The following BCAS3 variants were observed in gnomAD, a reference collection of about 807,000 sequenced individuals.
The protein encoded by BCAS3 is BCAS4/BCAS3 fusion.
A neutral mutation model predicts 116.1 loss-of-function variants in BCAS3; 53 were observed. The ratio of observed to expected loss-of-function variants is 0.46; its 90% CI spans 0.37 to 0.57. The LOEUF (loss-of-function observed/expected upper bound fraction) is 0.57. Among genes scored for constraint, BCAS3 ranks in the 20% least tolerant of loss-of-function variants. The pLI is 0.00. For missense variants in BCAS3, 917 were observed against 1,165.4 expected (o/e 0.79, Z 3.10); for synonymous variants, 391 against 408.2 (o/e 0.96, Z 0.51).
chr17:61,003,706 G>A (rs1028320739), intron 15 of BCAS3: 1 of 152,066 alleles, frequency 6.6e-6, no homozygotes, highest in African/African-American at 2.4e-5. Flanking sequence ...TGACCTCAGT[G>A]ATGGGGAATC....
rs1485845823 is a variant in BCAS3, at chr17:61,049,300, CA to C, written c.2029+8411del. On this transcript the variant is annotated intron_variant, in intron 19 of 23. Coordinates refer to ENST00000407086, the MANE Select transcript of BCAS3 (RefSeq NM_017679.5). ...TGGGCAACAGAGCAAGACCTTTTCT[CA>C]AATAATAATAATAAAATCAATAAAT... Among the ~76,000 whole-genome samples, 13 of 151,716 alleles carry C rather than the reference CA, an allele frequency of 8.6e-5. No individual in the cohort carries two copies. The East Asian group carries it at 2.5e-3, about 29-fold the overall frequency.
At chr17:61,345,527 AAAG>A (rs772969244) in intron 22 of BCAS3, among the ~76,000 whole-genome samples, 1 of 152,008 alleles carries the variant, frequency 6.6e-6, no homozygotes, top group Non-Finnish European at 1.5e-5. Context: ...GAAGGAAGGG[AAAG>A]AAGGAGGGTA....
rs2072810910 is a variant in BCAS3 at position 61,083,486 on chromosome 17, G to T, written c.2328-981G>T. Among the ~76,000 whole-genome samples the T allele has an allele frequency of 6.6e-6, 1 of 152,068 alleles. No homozygotes were observed. The highest frequency in any genetic ancestry group is 2.4e-5 in the African/African-American group (1 of 41,422). ...TAATAAGTTTTTGTTTCACTAAGTT[G>T]CCTGGGACTTTCAGATCTTTTAATC... On this transcript the variant is annotated intron_variant, in intron 21 of 23. Transcript: ENST00000407086. This position sits in a 1 kb window ranked among gnomAD's most constrained non-coding sequence, Gnocchi z 4.9.
intron 10 of BCAS3, among the ~76,000 whole-genome samples, chr17:60,890,228 T>C (rs999929390): frequency 6.6e-6 from 1 of 151,874 alleles, no homozygotes; most frequent in Admixed American, 6.6e-5. Context: ...CTGAGGCAGG[T>C]GGATCATTTG....
At chr17:61,109,482 A>G (rs2074915208) in intron 22 of BCAS3, among the ~76,000 whole-genome samples, 2 of 152,206 alleles carry the variant, frequency 1.3e-5, no homozygotes, top group South Asian at 4.1e-4. Flanking sequence ...GATTGCTGGA[A>G]CAAATGGTAG....
intron 5 of BCAS3, among the ~76,000 whole-genome samples, chr17:60,710,995 G>A (rs1598221151): frequency 1.3e-5 from 2 of 151,794 alleles, no homozygotes; most frequent in Admixed American, 1.3e-4. Context: ...TGGAGACAGG[G>A]TCCTACTGTG....
At chr17:61,301,993 G>T (rs1456385273) in intron 22 of BCAS3, among the ~76,000 whole-genome samples, 2 of 152,214 alleles carry the variant, frequency 1.3e-5, no homozygotes, top group Non-Finnish European at 2.9e-5. Context: ...AGAATTAGGT[G>T]AAGCACGGCC....
rs539771714 is a variant in BCAS3 at position 60,728,392 on chromosome 17, G to T, written c.322-18806G>T. On this transcript the variant is annotated intron_variant, in intron 5 of 23. Transcript: ENST00000407086. ...ATAAGGTTCTTTCATGTCTTTTCAT[G>T]ACTTGATAGCTTATTCAGATGCTGA... 3.9e-5 allele frequency among the ~76,000 whole-genome samples: 6 copies of T among 152,212 alleles called. No homozygotes were observed. The South Asian group carries it at 1.2e-3, about 32-fold the overall frequency.
chr17:61,391,796 G>A lies in BCAS3; in HGVS notation c.2594-181G>A. The stretch of plus-strand genomic sequence containing the variant: ...CAGCCAGGGGGCTTTCCCTCCCCTG[G>A]CTGAGCCTTCCTGTGACCTGAGCTG... On this transcript the variant is annotated intron_variant, in intron 23 of 23. Coordinates refer to ENST00000407086, the MANE Select transcript of BCAS3 (RefSeq NM_017679.5). This position sits in a 1 kb window ranked among gnomAD's most constrained non-coding sequence, Gnocchi z 7.7. The A allele has an allele frequency of 1.5e-6, 1 of 655,488 alleles. No individual in the cohort carries two copies. The highest frequency in any genetic ancestry group is 2.6e-6 in the Non-Finnish European group (1 of 378,538). 40.6% of individuals were successfully genotyped at this position (655,488 alleles called of 1,614,324 possible). A position where few individuals can be genotyped will look rare whatever the true frequency, so the allele number is the denominator to read the frequency against.
intron 7 of BCAS3, among the ~76,000 whole-genome samples, chr17:60,814,304 T>TGTGTGCGCGTGC (rs1555731413): frequency 2.2e-5 from 3 of 136,704 alleles, no homozygotes; most frequent in African/African-American, 9.0e-5. Context: ...TGTGTGTGTG[T>TGTGTGCGCGTGC]GTGCGCGCGT....
chr17:60,937,016 C>T (rs2059967997), intron 13 of BCAS3, among the ~76,000 whole-genome samples: 1 of 151,898 alleles, frequency 6.6e-6, no homozygotes, highest in Non-Finnish European at 1.5e-5. Context: ...GTCTTTAATC[C>T]ATCTTGAATT....
intron 4 of BCAS3, among the ~76,000 whole-genome samples, chr17:60,698,183 C>CAAAAAAAA (rs759028839): frequency 3.6e-5 from 2 of 55,278 alleles, no homozygotes; most frequent in Admixed American, 2.6e-4. Context: ...CTCCGTCTCA[C>CAAAAAAAA]AAAAAAAAAA....
intron 19 of BCAS3, among the ~76,000 whole-genome samples, chr17:61,049,171 C>T (rs1194911882): frequency 2.0e-5 from 3 of 151,792 alleles, no homozygotes; most frequent in Admixed American, 2.0e-4. Flanking sequence ...TATGGTGGTG[C>T]ATACCCTTAA....
At chr17:60,813,274 A>G (rs2049008583) in intron 7 of BCAS3, among the ~76,000 whole-genome samples, 1 of 150,026 alleles carries the variant, frequency 6.7e-6, no homozygotes, top group African/African-American at 2.5e-5. Flanking sequence ...CTGACCAGTT[A>G]TTTTCAGAGG....
rs779500105 is a variant in BCAS3 at position 60,993,010 on chromosome 17, C to G, written c.1486+2775C>G. On this transcript the variant is annotated intron_variant, in intron 15 of 23. Coordinates refer to ENST00000407086, the MANE Select transcript of BCAS3 (RefSeq NM_017679.5). The surrounding 1 kb of genome is among the most constrained non-coding windows in gnomAD (Gnocchi z 4.2). ...TAGTAAATTAAGAAGGCTTTGTGATCCCTACATTTATATGTCTTTGGAAGA... is the reference window on the plus strand; with the variant it reads ...TAGTAAATTAAGAAGGCTTTGTGATGCCTACATTTATATGTCTTTGGAAGA... Among the ~76,000 whole-genome samples the G allele has an allele frequency of 6.6e-6, 1 of 152,138 alleles. No individual in the cohort carries two copies. Among genetic ancestry groups the G allele is most frequent in the Non-Finnish European group, 1.5e-5 (1 of 68,018 alleles).
chr17:61,378,017 T>C lies in BCAS3; in HGVS notation c.2593+9523T>C, dbSNP rs1312812235. ...GGGATCCAGCAGAGGAAGGGGACTGTCACTAGCAGGGCCTGCCTTGACTGC... is the reference window on the plus strand; with the variant it reads ...GGGATCCAGCAGAGGAAGGGGACTGCCACTAGCAGGGCCTGCCTTGACTGC... On this transcript the variant is annotated intron_variant, in intron 23 of 23. Transcript: ENST00000407086. The surrounding 1 kb of genome is among the most constrained non-coding windows in gnomAD (Gnocchi z 5.8). The C allele has an allele frequency of 6.7e-6, 1 of 150,046 alleles. No homozygotes were observed. The highest frequency in any genetic ancestry group is 1.5e-5 in the Non-Finnish European group (1 of 68,054). 9.3% of individuals were successfully genotyped at this position (150,046 alleles called of 1,614,324 possible). A position where few individuals can be genotyped will look rare whatever the true frequency, so the allele number is the denominator to read the frequency against.
intron 6 of BCAS3, among the ~76,000 whole-genome samples, chr17:60,806,284 A>G (rs2144616151): frequency 6.6e-6 from 1 of 152,300 alleles, no homozygotes; most frequent in East Asian, 1.9e-4. Flanking sequence ...GATTTCTTTC[A>G]TCCTTGCCTT....
intron 6 of BCAS3, among the ~76,000 whole-genome samples, chr17:60,761,758 C>A (rs532595187): frequency 6.9e-6 from 1 of 145,984 alleles, no homozygotes; most frequent in South Asian, 2.1e-4. Flanking sequence ...ATTTCTAGTT[C>A]TAGATCCTTG....
chr17:60,996,749 A>T (rs1430882267), intron 15 of BCAS3, among the ~76,000 whole-genome samples: 2 of 152,196 alleles, frequency 1.3e-5, no homozygotes, highest in African/African-American at 4.8e-5. Context: ...AGTATAAAAA[A>T]GAGATGTCCC....
Sources: gnomAD v4.1 joint callset for allele counts (sites outside exome capture counted in the v4.1 genomes callset) on GRCh38, gnomAD v4.1.1 for gene constraint, Gnocchi (gnomAD v3.1) non-coding constraint, MANE v1.5 for transcripts, NCBI Gene and HGNC (gene_info 2026-07-23, HGNC 2026-07-21) for gene names.